Variants in AKR1B15 observed in about 807,000 individuals in gnomAD.
AKR1B15 encodes the protein estradiol 17-beta-dehydrogenase AKR1B15.
AKR1B15 carries 49 observed loss-of-function variants against 38.5 expected under a neutral mutation model. The observed-to-expected ratio is 1.27, with a 90% confidence interval of 1.01 to 1.62. The LOEUF (loss-of-function observed/expected upper bound fraction) is 1.62. Ranked by LOEUF, AKR1B15 falls within the 40% of genes most tolerant of loss-of-function variation. The probability of loss-of-function intolerance (pLI) is 0.00; values close to 1 mark genes in which losing one functional copy is unlikely to be tolerated. For missense variants in AKR1B15, 411 were observed against 381.6 expected, an observed-to-expected ratio of 1.08 and a Z score of -0.64; for synonymous variants, 137 against 135.5, an observed-to-expected ratio of 1.01 and a Z score of -0.08.
rs1255458278 is a variant in AKR1B15, at chr7:134,569,449, A to G, written c.355A>G (p.Lys119Glu). The G allele has an allele frequency of 1.2e-6, 2 of 1,614,080 alleles. No homozygotes were observed. The highest frequency in any genetic ancestry group is 2.2e-5 in the East Asian group (1 of 44,856). ...TTTCTTTGAGAGACCCCTTGTGAGG[A>G]AAGCCTTTGAGAAGACCCTCAAGGA... The part of the protein sequence containing the change: ...PTFFERPLVR[K>E]AFEKTLKDLK... Residue 119 changes from lysine (K) to glutamate (E), a missense_variant, in exon 5 of 12, where the codon AAA (lysine) becomes GAA (glutamate). This residue lies in a region of AKR1B15 where 254 missense variants were observed against 212.4 expected (regional missense o/e 1.20). Coordinates refer to ENST00000457545, the MANE Select transcript of AKR1B15 (RefSeq NM_001080538.3).
At chr7:134,571,733 A>G in intron 6 of AKR1B15, 52 bp downstream of exon 6, 2 of 1,408,522 alleles carry the variant, frequency 1.4e-6, no homozygotes, top group East Asian at 2.3e-5. Flanking sequence ...TCAGTTATCC[A>G]TGAGATTCCC....
At chr7:134,560,942 A>T (rs996012655) in intron 2 of AKR1B15, among the ~76,000 whole-genome samples, 1 of 152,158 alleles carries the variant, frequency 6.6e-6, no homozygotes, top group African/African-American at 2.4e-5. Flanking sequence ...GATAATCCTC[A>T]TTTTTTCCTT....
chr7:134,559,423 C>G (rs2033264619), intron 2 of AKR1B15, among the ~76,000 whole-genome samples: 2 of 152,146 alleles, frequency 1.3e-5, no homozygotes, highest in Non-Finnish European at 2.9e-5. Flanking sequence ...TCCAACTAGT[C>G]CCTGGTCCCA....
intron 4 of AKR1B15, 53 bp downstream of exon 4, chr7:134,568,378 T>C: frequency 6.2e-7 from 1 of 1,602,568 alleles, no homozygotes; most frequent in Non-Finnish European, 8.5e-7. Flanking sequence ...GGCAGAAGTA[T>C]CTGGATCGGG....
chr7:134,554,874 C>A (rs1228354704), intron 1 of AKR1B15, among the ~76,000 whole-genome samples: 1 of 152,180 alleles, frequency 6.6e-6, no homozygotes, highest in Admixed American at 6.5e-5. Flanking sequence ...ATAGCTCAGT[C>A]GGTCAGCAAG....
At position 134,568,253 on chromosome 7, in the gene AKR1B15, G is replaced by A; in HGVS notation, c.246G>A (p.Glu82=). The A allele has an allele frequency of 6.2e-7, 1 of 1,614,130 alleles. No homozygotes were observed. Among genetic ancestry groups the A allele is most frequent in the South Asian group, 1.1e-5 (1 of 91,076 alleles). The change falls in exon 4 of 12, where the codon GAG becomes GAA. Residue 82 remains glutamate, a synonymous_variant. Transcript: ENST00000457545. ...CCTATTTCTATGAGAATCAACATGA[G>A]GTGGGAGAAGCCATCCAAGAGAAGA... ...DCAYFYENQH[E]VGEAIQEKIQ...
At chr7:134,559,072 C>T (rs1332364436) in intron 2 of AKR1B15, among the ~76,000 whole-genome samples, 1 of 152,140 alleles carries the variant, frequency 6.6e-6, no homozygotes, top group Non-Finnish European at 1.5e-5. Flanking sequence ...CCCACCCCCA[C>T]CAAATTAACT....
chr7:134,570,660 G>A (rs1361080893), intron 5 of AKR1B15, among the ~76,000 whole-genome samples: 1 of 152,196 alleles, frequency 6.6e-6, no homozygotes, highest in Non-Finnish European at 1.5e-5. Context: ...CTGAGCAGGT[G>A]CCAGAAAGTA....
At chr7:134,571,486 C>G (rs1794665432) in intron 5 of AKR1B15, 118 bp from the exon 6 acceptor site, 1 of 769,646 alleles carries the variant, frequency 1.3e-6, no homozygotes, top group Non-Finnish European at 2.3e-6. Context: ...TACTCCAGAG[C>G]TTGAAAAAGT....
chr7:134,567,954 G>C (rs1794577364), intron 3 of AKR1B15, among the ~76,000 whole-genome samples: 1 of 152,126 alleles, frequency 6.6e-6, no homozygotes, highest in Non-Finnish European at 1.5e-5. Context: ...CCTTGGTTTG[G>C]AGAAACTGGA....
chr7:134,570,299 T>C (rs1435685971), intron 5 of AKR1B15: 3 of 152,210 alleles, frequency 2.0e-5, no homozygotes, highest in African/African-American at 7.2e-5. Flanking sequence ...TGACAATGCA[T>C]GCCCGAAACT....
intron 1 of AKR1B15, among the ~76,000 whole-genome samples, chr7:134,550,798 G>A (rs1006124183): frequency 9.2e-5 from 14 of 152,192 alleles, no homozygotes; most frequent in Middle Eastern, 3.4e-3. Flanking sequence ...AGATGATTAC[G>A]GGGTCCGCCT....
In AKR1B15 at chr7:134,569,537, T is replaced by A. The variant is rs556828805; in HGVS notation, c.435+8T>A. 3.1e-6 allele frequency: 5 copies of A among 1,613,846 alleles called. No individual in the cohort carries two copies. The highest frequency in any genetic ancestry group is 2.7e-5 in the African/African-American group (2 of 75,042). On this transcript the variant is annotated splice_region_variant and intron_variant, in intron 5 of 11. Coordinates refer to ENST00000457545, the MANE Select transcript of AKR1B15 (RefSeq NM_001080538.3). ...TGGCCACAGGGATTCAAGGTTTGAG[T>A]GACTCCCTTTCTCAGCCTCTAGTTT...
At chr7:134,575,131 G>A (rs1203562305) in intron 6 of AKR1B15, among the ~76,000 whole-genome samples, 1 of 152,102 alleles carries the variant, frequency 6.6e-6, no homozygotes, top group Non-Finnish European at 1.5e-5. Context: ...TTTCCATGGT[G>A]TATGGAACTA....
chr7:134,563,949 A>C (rs1338099219), intron 2 of AKR1B15, among the ~76,000 whole-genome samples: 1 of 152,030 alleles, frequency 6.6e-6, no homozygotes, highest in East Asian at 1.9e-4. Flanking sequence ...AGTTCTGACT[A>C]CCTAGCCAAG....
chr7:134,573,866 A>C (rs1794711448), intron 6 of AKR1B15, among the ~76,000 whole-genome samples: 1 of 152,194 alleles, frequency 6.6e-6, no homozygotes, highest in African/African-American at 2.4e-5. Context: ...CAAAATCAGT[A>C]AGAAACTCTG....
chr7:134,574,178 C>T (rs1365124982), intron 6 of AKR1B15, among the ~76,000 whole-genome samples: 2 of 152,158 alleles, frequency 1.3e-5, no homozygotes, highest in East Asian at 3.9e-4. Flanking sequence ...TAGTCATGAG[C>T]CACTGCATCC....
chr7:134,564,616 A>G lies in AKR1B15; in HGVS notation c.-4A>G, dbSNP rs1340256232. On this transcript the variant is annotated 5_prime_UTR_variant, in exon 3 of 12. Transcript: ENST00000457545. Reference sequence around the variant, plus strand: ...CCTCTAGGATCGAGGCCATCAAGCTACAGATGGTCTTACAAATGGAACCCC... The same window carrying G: ...CCTCTAGGATCGAGGCCATCAAGCTGCAGATGGTCTTACAAATGGAACCCC... 1.4e-6 allele frequency: 1 copy of G among 697,092 alleles called. No individual in the cohort carries two copies. Among genetic ancestry groups the G allele is most frequent in the African/African-American group, 1.7e-5 (1 of 57,244 alleles). The allele number at this position is 697,092 out of a possible 1,614,324, so 43.2% of individuals were successfully genotyped here.
intron 2 of AKR1B15, among the ~76,000 whole-genome samples, chr7:134,558,247 T>G (rs924123776): frequency 6.6e-6 from 1 of 152,216 alleles, no homozygotes; most frequent in Non-Finnish European, 1.5e-5. Flanking sequence ...TGCGCCTTGG[T>G]GGAAGAAATC....
Sources: allele counts gnomAD v4.1 joint callset (sites outside exome capture counted in the v4.1 genomes callset), GRCh38; gene constraint gnomAD v4.1.1; regional missense constraint gnomAD v4.1.1; transcripts MANE v1.5; gene names NCBI Gene and HGNC (gene_info 2026-07-23, HGNC 2026-07-21).